Variants in NRCAM observed in about 807,000 individuals in gnomAD.
The protein encoded by NRCAM is NgCAM-related cell adhesion molecule.
A neutral mutation model predicts 156.5 loss-of-function variants in NRCAM; 83 were observed. The ratio of observed to expected loss-of-function variants is 0.53; its 90% CI spans 0.44 to 0.64. The LOEUF (loss-of-function observed/expected upper bound fraction) is 0.64. Ranked by LOEUF, NRCAM falls within the 30% of genes least tolerant of loss-of-function variation. NRCAM has a pLI of 0.00. For missense variants in NRCAM, 1,417 were observed against 1,597.3 expected (o/e 0.89, Z 1.92); for synonymous variants, 538 against 563.9 (o/e 0.95, Z 0.65).
chr7:108,172,966 A>G (rs2059065565), intron 28 of NRCAM, among the ~76,000 whole-genome samples: 1 of 150,146 alleles, frequency 6.7e-6, no homozygotes, highest in African/African-American at 2.4e-5. Context: ...TTCATAATAA[A>G]ATCTTATGAG....
intron 1 of NRCAM, among the ~76,000 whole-genome samples, chr7:108,434,188 C>T (rs1829311499): frequency 6.6e-6 from 1 of 152,186 alleles, no homozygotes; most frequent in Admixed American, 6.5e-5. Context: ...CAACCCCCAT[C>T]CCCGGCTCTG....
chr7:108,346,979 A>T (rs1055269397), intron 2 of NRCAM, among the ~76,000 whole-genome samples: 1 of 151,954 alleles, frequency 6.6e-6, no homozygotes, highest in African/African-American at 2.4e-5. Flanking sequence ...ACTGTTTAAA[A>T]ATATATCTAC....
chr7:108,264,463 G>A (rs989468522), intron 3 of NRCAM, among the ~76,000 whole-genome samples: 1 of 152,146 alleles, frequency 6.6e-6, no homozygotes, highest in Non-Finnish European at 1.5e-5. Context: ...GGACCTTAAG[G>A]TCTTGGGTCT....
intron 7 of NRCAM, 99 bp downstream of exon 7, chr7:108,232,227 C>A: frequency 2.4e-6 from 2 of 847,868 alleles, no homozygotes; most frequent in South Asian, 3.8e-5. Context: ...GGAAGCAATG[C>A]CACTGCTTTG....
intron 25 of NRCAM, 121 bp downstream of exon 25, chr7:108,180,102 T>C (rs756132077): frequency 1.8e-5 from 14 of 770,138 alleles, no homozygotes; most frequent in Admixed American, 5.2e-5. Flanking sequence ...TATTCATCTA[T>C]AGAAATTTCA....
intron 30 of NRCAM, among the ~76,000 whole-genome samples, chr7:108,162,761 C>T (rs781778484): frequency 2.6e-5 from 4 of 152,164 alleles, no homozygotes; most frequent in Non-Finnish European, 5.9e-5. Context: ...TAGGCAGACA[C>T]AATATGGTAA....
intron 11 of NRCAM, among the ~76,000 whole-genome samples, chr7:108,210,034 A>G (rs866741931): frequency 3.3e-5 from 5 of 152,226 alleles, no homozygotes; most frequent in African/African-American, 1.2e-4. Flanking sequence ...ACTCATAAAC[A>G]TATCTATGAC....
chr7:108,199,388 C>T (rs1168493071), intron 13 of NRCAM, among the ~76,000 whole-genome samples: 1 of 152,238 alleles, frequency 6.6e-6, no homozygotes, highest in Non-Finnish European at 1.5e-5. Flanking sequence ...GCTGTAACAA[C>T]TTACCACAAA....
chr7:108,405,730 T>C (rs1049314542), intron 1 of NRCAM, among the ~76,000 whole-genome samples: 18 of 152,308 alleles, frequency 1.2e-4, no homozygotes. Context: ...TCTTTAGATA[T>C]GTTTGATATG....
At chr7:108,289,389 A>C (rs896180563) in intron 3 of NRCAM, among the ~76,000 whole-genome samples, 1 of 152,176 alleles carries the variant, frequency 6.6e-6, no homozygotes, top group African/African-American at 2.4e-5. Context: ...TCGTGTGGTG[A>C]AAATACTTAA....
chr7:108,275,567 G>A (rs554293664), intron 3 of NRCAM, among the ~76,000 whole-genome samples: 9 of 152,214 alleles, frequency 5.9e-5, no homozygotes, highest in African/African-American at 1.4e-4. Context: ...GTATTTCTGC[G>A]GGATCGATGG....
intron 26 of NRCAM, among the ~76,000 whole-genome samples, chr7:108,177,394 T>G (rs559857623): frequency 1.3e-5 from 2 of 151,874 alleles, no homozygotes; most frequent in Admixed American, 6.6e-5. Context: ...GAGGCTGAGG[T>G]GGGCAGATCA....
intron 3 of NRCAM, among the ~76,000 whole-genome samples, chr7:108,287,053 C>T (rs982126921): frequency 7.9e-5 from 12 of 151,840 alleles, no homozygotes; most frequent in South Asian, 2.1e-4. Flanking sequence ...AGCCATATGC[C>T]GAAGAATCAT....
chr7:108,311,475 A>G (rs1296799741), intron 3 of NRCAM, among the ~76,000 whole-genome samples: 1 of 152,202 alleles, frequency 6.6e-6, no homozygotes, highest in African/African-American at 2.4e-5. Flanking sequence ...AGCCATTTGT[A>G]CAAAATTAAG....
At chr7:108,306,808 G>A (rs1321925684) in intron 3 of NRCAM, among the ~76,000 whole-genome samples, 1 of 152,200 alleles carries the variant, frequency 6.6e-6, no homozygotes, top group Non-Finnish European at 1.5e-5. Context: ...GGGTTTCCAA[G>A]TGAGACTCCA....
At chr7:108,240,895 T>A (rs1208153929) in intron 3 of NRCAM, among the ~76,000 whole-genome samples, 1 of 152,234 alleles carries the variant, frequency 6.6e-6, no homozygotes, top group African/African-American at 2.4e-5. Flanking sequence ...TATTTCCATA[T>A]AACCATTTTT....
intron 2 of NRCAM, among the ~76,000 whole-genome samples, chr7:108,393,130 C>A (rs1247999721): frequency 1.3e-5 from 2 of 152,156 alleles, no homozygotes; most frequent in Non-Finnish European, 2.9e-5. Flanking sequence ...GAAGTTTCTG[C>A]TGCCTTTTGT....
At chr7:108,208,416 T>G (rs1257900249) in intron 12 of NRCAM, among the ~76,000 whole-genome samples, 1 of 152,106 alleles carries the variant, frequency 6.6e-6, no homozygotes, top group Non-Finnish European at 1.5e-5. Flanking sequence ...TATAGAGCAT[T>G]TCCATACCTC....
chr7:108,411,818 A>C (rs1483689073), intron 1 of NRCAM, among the ~76,000 whole-genome samples: 2 of 152,320 alleles, frequency 1.3e-5, no homozygotes, highest in East Asian at 3.9e-4. Flanking sequence ...GGCATAAGCC[A>C]CCACACCCAG....
Sources: gnomAD v4.1 joint callset for allele counts (sites outside exome capture counted in the v4.1 genomes callset) on GRCh38, gnomAD v4.1.1 for gene constraint, MANE v1.5 for transcripts, NCBI Gene and HGNC (gene_info 2026-07-23, HGNC 2026-07-21) for gene names.